SESN3: variants seen among roughly 807,000 people sequenced by gnomAD.
The protein encoded by SESN3 is sestrin-3.
Under a neutral mutation model 55.3 loss-of-function variants are expected in SESN3, and 21 were observed. That is an observed-to-expected ratio of 0.38 (90% CI 0.27 to 0.55). SESN3 has a LOEUF of 0.55. SESN3 is among the 20% of genes least tolerant of loss of function. SESN3 has a pLI of 0.76. For synonymous variants in SESN3, 181 were observed against 203.1 expected, an observed-to-expected ratio of 0.89 and a Z score of 0.93; for missense variants, 408 against 604.3, an observed-to-expected ratio of 0.68 and a Z score of 3.41.
rs747162939 is a variant in SESN3 at position 95,193,466 on chromosome 11, T to C, written c.135A>G (p.Pro45=). ...PLTRGPSAFI[P]EKEVVQANTV... is the part of the protein sequence containing the mutation. The stretch of plus-strand genomic sequence containing the variant: ...AGACAGATAAACTTACTTCCTTCTC[T>C]GGAATAAAGGCACTTGGTCCTCTTG... Residue 45 remains proline (P), a synonymous_variant, in exon 2 of 10, where the codon CCA becomes CCG. Transcript: ENST00000536441. The C allele has an allele frequency of 1.3e-6, 2 of 1,574,912 alleles. No individual in the cohort carries two copies. The highest frequency in any genetic ancestry group is 3.4e-5 in the Admixed American group (2 of 59,516).
chr11:95,194,164 G>A (rs1860318083), intron 1 of SESN3, among the ~76,000 whole-genome samples: 1 of 151,654 alleles, frequency 6.6e-6, no homozygotes, highest in Non-Finnish European at 1.5e-5. Context: ...TTAAAAATTT[G>A]TTAACTTTTT....
At chr11:95,185,531 C>G in intron 4 of SESN3, 39 bp from the exon 5 acceptor site, 1 of 1,279,548 alleles carries the variant, frequency 7.8e-7, no homozygotes, top group East Asian at 2.3e-5. Context: ...TATAAAAATT[C>G]TAGAATGCTA....
chr11:95,190,727 A>G (rs1160983879), intron 3 of SESN3, among the ~76,000 whole-genome samples: 2 of 152,030 alleles, frequency 1.3e-5, no homozygotes, highest in Non-Finnish European at 2.9e-5. Context: ...AACGTGGTCA[A>G]ACTTAATCTC....
chr11:95,209,230 A>G (rs1046824295), intron 1 of SESN3, among the ~76,000 whole-genome samples: 7 of 151,582 alleles, frequency 4.6e-5, no homozygotes, highest in African/African-American at 1.7e-4. Context: ...ACAAGAAAAA[A>G]ACAACCTCAA....
intron 1 of SESN3, among the ~76,000 whole-genome samples, chr11:95,219,614 C>T (rs1860822242): frequency 6.6e-6 from 1 of 152,184 alleles, no homozygotes; most frequent in South Asian, 2.1e-4. Context: ...GTTGTCCCAA[C>T]ACCCTGCTTA....
chr11:95,228,751 G>C (rs943333567), intron 1 of SESN3, among the ~76,000 whole-genome samples: 2 of 152,072 alleles, frequency 1.3e-5, no homozygotes, highest in Non-Finnish European at 2.9e-5. Context: ...AAATACCTTG[G>C]AGTTACTAAA....
chr11:95,213,193 G>T (rs1431689321), intron 1 of SESN3, among the ~76,000 whole-genome samples: 1 of 151,942 alleles, frequency 6.6e-6, no homozygotes, highest in East Asian at 1.9e-4. Context: ...TATTGTGGAT[G>T]TCTGTCCACT....
At position 95,230,872 on chromosome 11, in the gene SESN3, G is replaced by GCGC. The variant is rs773595782; in HGVS notation, c.-15_-13dup. ...CCGCCCCGGTTCATCGTGGCTGCGG[G>GCGC]CGCCGAGGCGAGAGCGGGCGGAGGG... is the stretch of plus-strand genomic sequence containing the variant. On this transcript the variant is annotated 5_prime_UTR_variant, in exon 1 of 10. Coordinates refer to ENST00000536441, the MANE Select transcript of SESN3 (RefSeq NM_144665.4). This position sits in a 1 kb window ranked among gnomAD's most constrained non-coding sequence, Gnocchi z 4.6. 1.3e-6 allele frequency: 2 copies of GCGC among 1,565,020 alleles called. No individual in the cohort carries two copies. Among genetic ancestry groups the GCGC allele is most frequent in the Non-Finnish European group, 1.7e-6 (2 of 1,162,610 alleles).
intron 6 of SESN3, chr11:95,184,096 TATC>T (rs1431758543): frequency 1.1e-5 from 4 of 367,322 alleles, no homozygotes; most frequent in African/African-American, 6.3e-5. Context: ...ATATTTCACT[TATC>T]ATTTTTAAAA....
intron 9 of SESN3, among the ~76,000 whole-genome samples, chr11:95,174,859 T>C (rs1859925937): frequency 6.6e-6 from 1 of 152,156 alleles, no homozygotes; most frequent in Non-Finnish European, 1.5e-5. Flanking sequence ...TTATATGCTT[T>C]GTTCAATATA....
At chr11:95,210,930 C>CT (rs1027924128) in intron 1 of SESN3, among the ~76,000 whole-genome samples, 1 of 151,310 alleles carries the variant, frequency 6.6e-6, no homozygotes, top group African/African-American at 2.4e-5. Flanking sequence ...TTTGGCCAGA[C>CT]TAAAAAAAAG....
Position 95,185,443 on chromosome 11 carries a change from T to A in SESN3, c.575A>T (p.His192Leu). The stretch of plus-strand genomic sequence containing the variant: ...ATAATGTGCCAGGAGGACCACAGCA[T>A]GTACCAGTTCAGGCAGAGACCAATT... ...ENNWSLPELV[H>L]AVVLLAHYHA... Residue 192 changes from histidine to leucine, a missense_variant, in exon 5 of 10, where the codon CAT becomes CTT. This residue lies in a region of SESN3 where 107 missense variants were observed against 211.3 expected (regional missense o/e 0.51). Transcript: ENST00000536441. The A allele has an allele frequency of 6.2e-7, 1 of 1,613,236 alleles. No homozygotes were observed. Among genetic ancestry groups the A allele is most frequent in the Non-Finnish European group, 8.5e-7 (1 of 1,179,394 alleles).
At position 95,167,868 on chromosome 11, in the gene SESN3, T is replaced by G. The variant is rs776182787; in HGVS notation, c.*5387A>C. 1.3e-5 allele frequency: 2 copies of G among 152,178 alleles called. No individual in the cohort carries two copies. The highest frequency in any genetic ancestry group is 4.8e-5 in the African/African-American group (2 of 41,438). 9.4% of individuals were successfully genotyped at this position (152,178 alleles called of 1,614,324 possible). ...AAGAACTATTACATCTTCTTCCTCT[T>G]TGCATTTCCTCTTCCTTCTGGATAT... On this transcript the variant is annotated 3_prime_UTR_variant, in exon 10 of 10. Transcript: ENST00000536441.
chr11:95,202,840 A>T (rs1424099906), intron 1 of SESN3, among the ~76,000 whole-genome samples: 1 of 152,134 alleles, frequency 6.6e-6, no homozygotes, highest in Non-Finnish European at 1.5e-5. Context: ...CTTTACTTCT[A>T]TATGAATAAT....
Position 95,169,020 on chromosome 11 carries a change from ACT to A in SESN3, c.*4233_*4234del, listed in dbSNP as rs1352484852. 3 of 150,180 alleles carry A rather than the reference ACT, an allele frequency of 2.0e-5. No individual in the cohort carries two copies. Among genetic ancestry groups the A allele is most frequent in the African/African-American group, 7.4e-5 (3 of 40,632 alleles). 9.3% of individuals were successfully genotyped at this position (150,180 alleles called of 1,614,324 possible). ...ACTATGTTCCTCATATTCTTTGAAA[ACT>A]CTTCCTTCCTCATAGGGCTCTGCCT... is the stretch of plus-strand genomic sequence containing the variant. On this transcript the variant is annotated 3_prime_UTR_variant, in exon 10 of 10. Coordinates refer to ENST00000536441, the MANE Select transcript of SESN3 (RefSeq NM_144665.4).
intron 1 of SESN3, among the ~76,000 whole-genome samples, chr11:95,196,866 T>C (rs556732126): frequency 6.6e-6 from 1 of 152,304 alleles, no homozygotes; most frequent in South Asian, 2.1e-4. Flanking sequence ...CTTTTTGAAA[T>C]GTTAAATGAC....
chr11:95,173,372 C>T (rs746542088), intron 9 of SESN3, 31 bp from the exon 10 acceptor site: 1 of 1,392,298 alleles, frequency 7.2e-7, no homozygotes, highest in South Asian at 1.2e-5. Flanking sequence ...AGTTTAGTAA[C>T]CATTATAAAC....
chr11:95,178,939 GA>G, intron 6 of SESN3, 111 bp from the exon 7 acceptor site: 1 of 628,602 alleles, frequency 1.6e-6, no homozygotes, highest in East Asian at 2.6e-5. Context: ...TTTCTAAAGT[GA>G]AAACATGGAC....
chr11:95,222,640 G>A (rs1860878307), intron 1 of SESN3, among the ~76,000 whole-genome samples: 1 of 152,168 alleles, frequency 6.6e-6, no homozygotes, highest in Non-Finnish European at 1.5e-5. Context: ...AAAGGTTTAT[G>A]TAATTGTTAA....
Sources: allele counts gnomAD v4.1 joint callset (sites outside exome capture counted in the v4.1 genomes callset), GRCh38; gene constraint gnomAD v4.1.1; regional missense constraint gnomAD v4.1.1; non-coding constraint Gnocchi (gnomAD v3.1); transcripts MANE v1.5; gene names NCBI Gene and HGNC (gene_info 2026-07-23, HGNC 2026-07-21).